Variants in MED14 observed in about 807,000 individuals in gnomAD.
MED14 encodes mediator of RNA polymerase II transcription subunit 14.
MED14 carries 8 observed loss-of-function variants against 109.0 expected under a neutral mutation model. That is an observed-to-expected ratio of 0.07 (90% CI 0.04 to 0.13). The LOEUF is 0.13. MED14 is among the 10% of genes least tolerant of loss of function. The probability of loss-of-function intolerance (pLI) is 1.00; values close to 1 mark genes in which losing one functional copy is unlikely to be tolerated. For missense variants in MED14, 711 were observed against 1,142.4 expected, an observed-to-expected ratio of 0.62 and a Z score of 5.44; for synonymous variants, 399 against 408.7, an observed-to-expected ratio of 0.98 and a Z score of 0.29.
chrX:40,710,070 A>G lies in MED14; in HGVS notation c.1082T>C (p.Ile361Thr). The change falls in exon 9 of 31, where the codon ATT becomes ACT. Residue 361 changes from isoleucine (I) to threonine (T), a missense_variant. Ile to Thr is a moderately conservative substitution (Grantham distance 89, BLOSUM62 -1). This residue lies in a region of MED14 where 388 missense variants were observed against 517.3 expected (regional missense o/e 0.75). Coordinates refer to ENST00000324817, the MANE Select transcript of MED14 (RefSeq NM_004229.4). ...AGGCTTGGAGACATCATTCTCATCA[A>G]TTTTAATTGTAACTTTGTGAACAGA... ...TASVHKVTIK[I>T]DENDVSKPLQ... The G allele has an allele frequency of 8.4e-7, 1 of 1,187,278 alleles. No individual in the cohort carries two copies. The highest frequency in any genetic ancestry group is 1.1e-6 in the Non-Finnish European group (1 of 879,313).
intron 10 of MED14, among the ~76,000 whole-genome samples, chrX:40,705,136 A>G (rs1026219369): frequency 3.6e-5 from 4 of 112,385 alleles, no homozygotes; most frequent in Admixed American, 1.9e-4. Flanking sequence ...TATAATTCAG[A>G]CCAATGTGAC....
At chrX:40,726,725 A>C in intron 3 of MED14, 21 bp downstream of exon 3, 1 of 1,143,154 alleles carries the variant, frequency 8.7e-7, no homozygotes, top group Non-Finnish European at 1.2e-6. Flanking sequence ...TATACAAAGT[A>C]AAATAAAAAG....
At chrX:40,729,645 G>C in intron 1 of MED14, 1 of 224,960 alleles carries the variant, frequency 4.4e-6, no homozygotes, top group Non-Finnish European at 7.9e-6. Context: ...ATCATAGGGT[G>C]TCAGAGAAAA....
At chrX:40,684,951 G>A in intron 16 of MED14, among the ~76,000 whole-genome samples, 1 of 111,645 alleles carries the variant, frequency 9.0e-6, no homozygotes, top group Non-Finnish European at 1.9e-5. Flanking sequence ...GAATGGAACA[G>A]AATGAATAAA....
chrX:40,722,958 C>T (rs1353258517), intron 3 of MED14, among the ~76,000 whole-genome samples: 2 of 112,095 alleles, frequency 1.8e-5, no homozygotes, highest in Admixed American at 1.9e-4. Context: ...ACCTGTCCTA[C>T]AAGAAATGCT....
intron 16 of MED14, 141 bp downstream of exon 16, chrX:40,688,313 C>T: frequency 4.5e-6 from 2 of 445,683 alleles, no homozygotes; most frequent in Non-Finnish European, 8.0e-6. Context: ...AATCTTCCCC[C>T]AGACCCTAGT....
Position 40,680,910 on chromosome X carries a change from T to C in MED14, c.2458A>G (p.Ile820Val), listed in dbSNP as rs1382435564. ...TGGATCGAATTCCATTGGATACTAA[T>C]CTAAATAAAAAAGATTACATGTTTC... ...LCYGTTKGSS[I>V]SIQWNSIHQK... Residue 820 changes from isoleucine (I) to valine (V), a missense_variant and splice_region_variant, in exon 20 of 31, where the codon ATT becomes GTT. Around this residue, in one of 8 missense-constraint regions of MED14, gnomAD observed 388 missense variants for 517.3 expected, o/e 0.75. Transcript: ENST00000324817. 9.0e-7 allele frequency: 1 copy of C among 1,117,183 alleles called. No homozygotes were observed. Among genetic ancestry groups the C allele is most frequent in the Admixed American group, 2.5e-5 (1 of 40,571 alleles). 92.1% of individuals were successfully genotyped at this position (1,117,183 alleles called of 1,213,427 possible).
rs1930153441 is a variant in MED14 at position 40,682,491 on chromosome X, T to C, written c.2365+112A>G. Reference sequence around the variant, plus strand: ...AAAGGAATACTTAAGTTTTATTAGATATACTTTGATTTTTTTGCTTGGAAC... The same window carrying C: ...AAAGGAATACTTAAGTTTTATTAGACATACTTTGATTTTTTTGCTTGGAAC... On this transcript the variant is annotated intron_variant, in intron 18 of 30. Coordinates refer to ENST00000324817, the MANE Select transcript of MED14 (RefSeq NM_004229.4). 6.8e-6 allele frequency: 4 copies of C among 588,097 alleles called. No individual in the cohort carries two copies. In the South Asian group the frequency reaches 1.2e-4, roughly 18 times the overall value. 48.5% of individuals were successfully genotyped at this position (588,097 alleles called of 1,213,427 possible). A position where few individuals can be genotyped will look rare whatever the true frequency, so the allele number is the denominator to read the frequency against.
At chrX:40,717,092 A>C (rs1931552025) in intron 3 of MED14, among the ~76,000 whole-genome samples, 1 of 111,423 alleles carries the variant, frequency 9.0e-6, no homozygotes, top group Non-Finnish European at 1.9e-5. Context: ...GAGTAGGGAA[A>C]TTATAATTAA....
chrX:40,666,793 T>C lies in MED14; in HGVS notation c.3192A>G (p.Ser1064=), dbSNP rs756084159. The stretch of plus-strand genomic sequence containing the variant: ...AGGATGGGGGAGGAGTTGGAACAAA[T>C]GACGCTGGTGATGGGGCTCTCAAAG... ...SGALRAPSPA[S]FVPTPPPSSH... The change falls in exon 24 of 31, where the codon TCA becomes TCG. Residue 1064 remains serine, a synonymous_variant. Coordinates refer to ENST00000324817, the MANE Select transcript of MED14 (RefSeq NM_004229.4). 1 of 1,196,202 alleles carries C rather than the reference T, an allele frequency of 8.4e-7. No individual in the cohort carries two copies. The highest frequency in any genetic ancestry group is 3.0e-5 in the East Asian group (1 of 33,570).
chrX:40,690,320 CA>C (rs1930451996), intron 15 of MED14, among the ~76,000 whole-genome samples: 1 of 111,586 alleles, frequency 9.0e-6, no homozygotes, highest in South Asian at 3.8e-4. Flanking sequence ...GGGCTCTTTA[CA>C]ATTTCACACC....
intron 28 of MED14, among the ~76,000 whole-genome samples, chrX:40,656,740 C>A (rs1208362229): frequency 1.8e-5 from 2 of 112,084 alleles, no homozygotes; most frequent in Non-Finnish European, 3.8e-5. Flanking sequence ...ACAAAGACAT[C>A]CTTTATATAC....
At position 40,714,631 on chromosome X, in the gene MED14, G is replaced by A. The variant is rs758369228; in HGVS notation, c.428C>T (p.Ala143Val). The change falls in exon 4 of 31, where the codon GCT becomes GTT. Residue 143 changes from alanine (A) to valine (V), a missense_variant. Coordinates refer to ENST00000324817, the MANE Select transcript of MED14 (RefSeq NM_004229.4). The stretch of plus-strand genomic sequence containing the variant: ...ACTAGGCAGGCGTGCATGGACCAGA[G>A]CATCTCTAGCTAACGAGGCCAGGCG... The part of the protein sequence containing the change: ...ADRLASLARD[A>V]LVHARLPSFA... 2.5e-6 allele frequency: 3 copies of A among 1,211,341 alleles called. No homozygotes were observed. The highest frequency in any genetic ancestry group is 3.4e-6 in the Non-Finnish European group (3 of 895,148).
chrX:40,672,163 C>T (rs1391370444), intron 22 of MED14, among the ~76,000 whole-genome samples, 191 bp from the exon 23 acceptor site: 1 of 112,076 alleles, frequency 8.9e-6, no homozygotes, highest in African/African-American at 3.2e-5. Context: ...CCCCGACTTT[C>T]GAAATGTTTT....
chrX:40,652,321 C>T (rs1363550285), intron 30 of MED14, among the ~76,000 whole-genome samples: 2 of 111,322 alleles, frequency 1.8e-5, no homozygotes, highest in Admixed American at 9.5e-5. Flanking sequence ...TTTAGGACAG[C>T]GCTGTCCAAT....
At chrX:40,709,518 C>T in intron 9 of MED14, 59 bp from the exon 10 acceptor site, 1 of 558,134 alleles carries the variant, frequency 1.8e-6, no homozygotes, top group South Asian at 4.8e-5. Context: ...ACTTTAAAAG[C>T]CCAAGAGTAG....
intron 16 of MED14, among the ~76,000 whole-genome samples, chrX:40,686,659 C>T (rs1393571254): frequency 1.8e-5 from 2 of 111,885 alleles, no homozygotes; most frequent in African/African-American, 6.5e-5. Context: ...CTACCTTCCA[C>T]GGAAACAGAT....
chrX:40,694,420 A>G (rs150148303), intron 13 of MED14, among the ~76,000 whole-genome samples: 2,486 of 111,279 alleles, frequency 0.022, 74 homozygotes, highest in African/African-American at 0.076. Flanking sequence ...CCATTAGGAA[A>G]GGCTCCTGAC....
rs1253289395 is a variant in MED14, at chrX:40,711,258, T to C, written c.933A>G (p.Gln311=). 1.7e-6 allele frequency: 2 copies of C among 1,204,805 alleles called. No homozygotes were observed. The highest frequency in any genetic ancestry group is 1.1e-6 in the Non-Finnish European group (1 of 889,564). Residue 311 remains glutamine (Q), a synonymous_variant, in exon 8 of 31, where the codon CAA becomes CAG. Coordinates refer to ENST00000324817, the MANE Select transcript of MED14 (RefSeq NM_004229.4). ...ACCGTTCTCGGATTAACATTAGAGTTTGGGAATGTAACACTTCTAACTGAA... is the reference window on the plus strand; with the variant it reads ...ACCGTTCTCGGATTAACATTAGAGTCTGGGAATGTAACACTTCTAACTGAA... ...LSLQLEVLHS[Q]TLMLIRERWG...
Sources: allele counts gnomAD v4.1 joint callset (sites outside exome capture counted in the v4.1 genomes callset), GRCh38; gene constraint gnomAD v4.1.1; regional missense constraint gnomAD v4.1.1; transcripts MANE v1.5; gene names NCBI Gene and HGNC (gene_info 2026-07-23, HGNC 2026-07-21).